Variants in S1PR3 observed in about 807,000 individuals in gnomAD.
The protein encoded by S1PR3 is sphingosine-1-phosphate receptor 3, also known as sphingosine 1-phosphate receptor 3.
S1PR3 carries 12 observed loss-of-function variants against 13.3 expected under a neutral mutation model. The observed-to-expected ratio is 0.90, with a 90% CI of 0.58 to 1.46. The LOEUF (loss-of-function observed/expected upper bound fraction) is 1.46. Among genes scored for constraint, S1PR3 ranks in the 40% most tolerant of loss-of-function variants. The probability of loss-of-function intolerance (pLI) is 0.00; values close to 1 mark genes in which losing one functional copy is unlikely to be tolerated. For synonymous variants in S1PR3, 232 were observed against 214.0 expected (o/e 1.08, Z -0.73); for missense variants, 450 against 501.9 (o/e 0.90, Z 0.99).
intron 1 of S1PR3, chr9:88,995,990 A>C (rs1825799206): frequency 6.0e-6 from 1 of 167,066 alleles, no homozygotes; most frequent in Non-Finnish European, 1.5e-5. Context: ...AGCTCTCTGA[A>C]TATATGCAAA....
rs1161463894 is a variant in S1PR3 at position 89,001,183 on chromosome 9, G to T, written c.-18G>T. ...CCTCTCGTGGATTTTGGAGCTAATC[G>T]TCTGTGAATGCCAAGTGATGGCAAC... On this transcript the variant is annotated 5_prime_UTR_variant, in exon 2 of 2. Transcript: ENST00000358157. 6.2e-7 allele frequency: 1 copy of T among 1,607,898 alleles called. No individual in the cohort carries two copies. The highest frequency in any genetic ancestry group is 1.3e-5 in the African/African-American group (1 of 74,750).
rs138828961 is a variant in S1PR3 at position 89,001,455 on chromosome 9, C to T, written c.255C>T (p.Asp85=). Residue 85 remains aspartate, a synonymous_variant, in exon 2 of 2, where the codon GAC becomes GAT. Coordinates refer to ENST00000358157, the MANE Select transcript of S1PR3 (RefSeq NM_005226.4). ...TCATTGGCAACCTGGCTCTCTGCGA[C>T]CTGCTGGCCGGCATCGCTTACAAGG... ...YFFIGNLALC[D]LLAGIAYKVN... 4.4e-4 allele frequency: 717 copies of T among 1,614,110 alleles called. No homozygotes were observed. The highest frequency in any genetic ancestry group is 5.8e-4 in the Non-Finnish European group (682 of 1,180,056).
chr9:88,993,969 G>C (rs1397917273), intron 1 of S1PR3: 1 of 164,976 alleles, frequency 6.1e-6, no homozygotes, highest in Non-Finnish European at 1.5e-5. Context: ...CGGCCTTGCA[G>C]ATGCCGCTCC....
Position 89,002,305 on chromosome 9 carries a change from G to C in S1PR3, c.1105G>C (p.Ala369Pro). Reference protein sequence around the residue: ...APSSCIMDKNAALQNGIFCN With the variant: ...APSSCIMDKNPALQNGIFCN ...CTCATCCTGCATCATGGACAAGAAC[G>C]CAGCACTTCAGAATGGGATCTTCTG... is the stretch of plus-strand genomic sequence containing the variant. The change falls in exon 2 of 2, where the codon GCA becomes CCA. Residue 369 changes from alanine to proline, a missense_variant. Ala to Pro is a conservative substitution (Grantham distance 27). Coordinates refer to ENST00000358157, the MANE Select transcript of S1PR3 (RefSeq NM_005226.4). The C allele has an allele frequency of 4.3e-6, 7 of 1,614,054 alleles. No individual in the cohort carries two copies. The highest frequency in any genetic ancestry group is 5.9e-6 in the Non-Finnish European group (7 of 1,179,998).
Position 89,002,361 on chromosome 9 carries a change from C to T in S1PR3, c.*24C>T, listed in dbSNP as rs376209295. Reference sequence around the variant, plus strand: ...GATCGTCTCCATGCGCCCTGCTCTGCGGCTGTGTTCTTATTTATTGCATGC... The same window carrying T: ...GATCGTCTCCATGCGCCCTGCTCTGTGGCTGTGTTCTTATTTATTGCATGC... On this transcript the variant is annotated 3_prime_UTR_variant, in exon 2 of 2. Coordinates refer to ENST00000358157, the MANE Select transcript of S1PR3 (RefSeq NM_005226.4). The T allele has an allele frequency of 1.2e-4, 200 of 1,607,058 alleles. 1 individual carries two copies. Among genetic ancestry groups the T allele is most frequent in the Non-Finnish European group, 1.5e-4 (177 of 1,175,406 alleles).
At position 88,991,635 on chromosome 9, in the gene S1PR3, C is replaced by T. The variant is rs1825709161; in HGVS notation, c.-208C>T. 3.3e-6 allele frequency: 5 copies of T among 1,527,040 alleles called. No homozygotes were observed. Among genetic ancestry groups the T allele is most frequent in the Admixed American group, 4.2e-5 (2 of 47,846 alleles). The allele number at this position is 1,527,040 out of a possible 1,614,324, so 94.6% of individuals were successfully genotyped here. ...CATTCGAGCGCAGGACCGGGCGCCC[C>T]GGCACCGCCGCGCGCCACCCGCTAG... On this transcript the variant is annotated 5_prime_UTR_variant, in exon 1 of 2. Transcript: ENST00000358157. This position sits in a 1 kb window ranked among gnomAD's most constrained non-coding sequence, Gnocchi z 4.0.
rs1039670856 is a variant in S1PR3 at position 89,004,041 on chromosome 9, T to C, written c.*1704T>C. Reference sequence around the variant, plus strand: ...CAATGAAAAGTAGCATATTCTCTTATGAAATAGCATGAGAAAACACAGGGC... The same window carrying C: ...CAATGAAAAGTAGCATATTCTCTTACGAAATAGCATGAGAAAACACAGGGC... On this transcript the variant is annotated 3_prime_UTR_variant, in exon 2 of 2. Transcript: ENST00000358157. The C allele has an allele frequency of 6.0e-6, 1 of 166,986 alleles. No individual in the cohort carries two copies. Among genetic ancestry groups the C allele is most frequent in the African/African-American group, 2.4e-5 (1 of 41,432 alleles). The allele number at this position is 166,986 out of a possible 1,614,324, so 10.3% of individuals were successfully genotyped here.
intron 1 of S1PR3, chr9:88,998,116 A>C (rs1360001854): frequency 6.6e-6 from 1 of 152,272 alleles, no homozygotes; most frequent in African/African-American, 2.4e-5. Context: ...GTGGAAACCC[A>C]GCAAAGTGAA....
rs200184281 is a variant in S1PR3 at position 89,001,247 on chromosome 9, A to G, written c.47A>G (p.Glu16Gly). The change falls in exon 2 of 2, where the codon GAG (glutamate) becomes GGG (glycine). Residue 16 changes from glutamate to glycine, a missense_variant. Transcript: ENST00000358157. ...PPRLQPVRGN[E>G]TLREHYQYVG... is the part of the protein sequence containing the mutation. Reference sequence around the variant, plus strand: ...CGTCTCCAGCCGGTGCGGGGGAACGAGACCCTGCGGGAGCATTACCAGTAC... The same window carrying G: ...CGTCTCCAGCCGGTGCGGGGGAACGGGACCCTGCGGGAGCATTACCAGTAC... 1.9e-6 allele frequency: 3 copies of G among 1,614,060 alleles called. No homozygotes were observed. The highest frequency in any genetic ancestry group is 2.7e-5 in the African/African-American group (2 of 75,050).
intron 1 of S1PR3, chr9:88,993,175 A>G (rs1825746575): frequency 1.3e-5 from 2 of 152,646 alleles, no homozygotes; most frequent in African/African-American, 4.8e-5. Flanking sequence ...GAAACTTCAC[A>G]TAGTGGCCGA....
At chr9:88,995,148 A>C (rs1825784272) in intron 1 of S1PR3, 2 of 167,030 alleles carry the variant, frequency 1.2e-5, no homozygotes, top group African/African-American at 4.8e-5. Context: ...GTTTTGATTC[A>C]GTTTGGAGGA....
At position 88,991,965 on chromosome 9, in the gene S1PR3, C is replaced by T. The variant is rs536458796; in HGVS notation, c.-148+270C>T. 3 of 1,614,258 alleles carry T rather than the reference C, an allele frequency of 1.9e-6. No individual in the cohort carries two copies. Among genetic ancestry groups the T allele is most frequent in the East Asian group, 2.2e-5 (1 of 44,884 alleles). On this transcript the variant is annotated intron_variant, in intron 1 of 1. Coordinates refer to ENST00000358157, the MANE Select transcript of S1PR3 (RefSeq NM_005226.4). This position sits in a 1 kb window ranked among gnomAD's most constrained non-coding sequence, Gnocchi z 4.0. ...GAGGCTGTTCGTGGAGAAGTTCCAT[C>T]AGTCGTTTTCCTTGGACAATTAACA... is the stretch of plus-strand genomic sequence containing the variant.
intron 1 of S1PR3, chr9:88,998,422 G>T (rs1354028420): frequency 1.3e-5 from 2 of 152,292 alleles, no homozygotes; most frequent in Non-Finnish European, 2.9e-5. Flanking sequence ...GGTGTGGTGA[G>T]CCGGGATCGC....
Position 89,002,261 on chromosome 9 carries a change from A to AC in S1PR3, c.1063dup (p.Leu355ProfsTer139), listed in dbSNP as rs1470955568. 1.2e-6 allele frequency: 2 copies of AC among 1,614,108 alleles called. No individual in the cohort carries two copies. The highest frequency in any genetic ancestry group is 3.3e-5 in the Admixed American group (2 of 60,022). On this transcript the variant is annotated frameshift_variant, in exon 2 of 2. Transcript: ENST00000358157. LOFTEE classifies it low-confidence loss of function (END_TRUNC). ...AGCCACTCTCCGAAGGTCAAGGAAG[A>AC]CCTGCCCCACACAGCCCCCTCATCC...
At chr9:88,996,666 G>C (rs6559333) in intron 1 of S1PR3, 13,992 of 152,780 alleles carry the variant, frequency 0.092, 750 homozygotes, top group African/African-American at 0.12. Context: ...AAGGCTGCAG[G>C]GTCCGGCCCA....
Position 89,001,989 on chromosome 9 carries a change from C to T in S1PR3, c.789C>T (p.Phe263=). ...GCTGGTCCCCACTCTTCATCCTCTTCCTCATTGATGTGGCCTGCAGGGTGC... is the reference window on the plus strand; with the variant it reads ...GCTGGTCCCCACTCTTCATCCTCTTTCTCATTGATGTGGCCTGCAGGGTGC... ...IACWSPLFIL[F]LIDVACRVQA... is the part of the protein sequence containing the mutation. The change falls in exon 2 of 2, where the codon TTC becomes TTT. Residue 263 remains phenylalanine, a synonymous_variant. Coordinates refer to ENST00000358157, the MANE Select transcript of S1PR3 (RefSeq NM_005226.4). The T allele has an allele frequency of 6.2e-7, 1 of 1,614,192 alleles. No homozygotes were observed. The highest frequency in any genetic ancestry group is 8.5e-7 in the Non-Finnish European group (1 of 1,180,040).
At chr9:88,991,450 T>G, upstream of S1PR3, 1 of 1,544,454 alleles carries the variant, frequency 6.5e-7, no homozygotes, top group Non-Finnish European at 8.7e-7. This position sits in a 1 kb window ranked among gnomAD's most constrained non-coding sequence, Gnocchi z 4.0. Flanking sequence ...AAAAGTTTAG[T>G]CTCTGACTCG....
upstream of S1PR3, chr9:88,991,232 T>TA: frequency 6.4e-7 from 1 of 1,562,492 alleles, no homozygotes; most frequent in Non-Finnish European, 8.7e-7. This position sits in a 1 kb window ranked among gnomAD's most constrained non-coding sequence, Gnocchi z 4.0. Flanking sequence ...AGCCGGACCC[T>TA]AGGGGATTGG....
chr9:88,997,991 G>T (rs947174055), intron 1 of S1PR3: 1 of 152,232 alleles, frequency 6.6e-6, no homozygotes, highest in Non-Finnish European at 1.5e-5. Context: ...ACTGTGCAGT[G>T]GTACCGGAGG....
Sources: gnomAD v4.1 joint callset for allele counts on GRCh38, gnomAD v4.1.1 for gene constraint, Gnocchi (gnomAD v3.1) non-coding constraint, MANE v1.5 for transcripts, NCBI Gene and HGNC (gene_info 2026-07-23, HGNC 2026-07-21) for gene names.